The following PIK3C2B variants were observed in gnomAD, a reference collection of about 807,000 sequenced individuals.
PIK3C2B encodes phosphatidylinositol 4-phosphate 3-kinase C2 domain-containing subunit beta.
Under a neutral mutation model 184.3 loss-of-function variants are expected in PIK3C2B, and 83 were observed. The ratio of observed to expected loss-of-function variants is 0.45; its 90% CI spans 0.38 to 0.54. The LOEUF is 0.54. Ranked by LOEUF, PIK3C2B falls within the 20% of genes least tolerant of loss-of-function variation. PIK3C2B has a pLI of 0.00. For synonymous variants in PIK3C2B, 779 were observed against 837.6 expected, an observed-to-expected ratio of 0.93 and a Z score of 1.21; for missense variants, 1,736 against 2,113.5, an observed-to-expected ratio of 0.82 and a Z score of 3.50.
intron 12 of PIK3C2B, among the ~76,000 whole-genome samples, chr1:204,451,054 CCA>C (rs1271285030): frequency 6.6e-6 from 1 of 152,248 alleles, no homozygotes; most frequent in Non-Finnish European, 1.5e-5. Context: ...CTCCAGCCCA[CCA>C]CAGACTGGCA....
intron 2 of PIK3C2B, chr1:204,466,981 C>A (rs760060632): frequency 3.9e-6 from 2 of 518,924 alleles, no homozygotes; most frequent in Non-Finnish European, 4.0e-6. Context: ...AGGGGTCCCC[C>A]CTCCCAGCAG....
chr1:204,489,995 GGT>G (rs1401593080), intron 1 of PIK3C2B: 1 of 396,984 alleles, frequency 2.5e-6, no homozygotes, highest in African/African-American at 2.1e-5. Flanking sequence ...GCTTCTTCCT[GGT>G]GGGCTTGGCT....
rs949627819 is a variant in PIK3C2B, at chr1:204,469,458, T to G, written c.345A>C (p.Ser115=). Residue 115 remains serine (S), a synonymous_variant, in exon 2 of 33, where the codon TCA becomes TCC. Coordinates refer to ENST00000684373, the MANE Select transcript of PIK3C2B (RefSeq NM_001377334.1). The part of the protein sequence containing the change: ...HSTSQGPQPG[S]DPWPKGSLSG... ...ACAGGGAGCCTTTGGGCCAGGGATC[T>G]GAGCCAGGCTGTGGCCCTTGGGAGG... is the stretch of plus-strand genomic sequence containing the variant. 2.5e-6 allele frequency: 4 copies of G among 1,592,140 alleles called. No homozygotes were observed. The African/African-American group carries it at 5.4e-5, about 21-fold the overall frequency.
chr1:204,431,975 T>C (rs922298250), intron 27 of PIK3C2B, among the ~76,000 whole-genome samples, 182 bp from the exon 28 acceptor site: 1 of 152,140 alleles, frequency 6.6e-6, no homozygotes. Context: ...TTCCCACATA[T>C]GTTGCCAGGA....
intron 23 of PIK3C2B, among the ~76,000 whole-genome samples, chr1:204,437,950 G>C (rs1209694028): frequency 1.3e-5 from 2 of 152,162 alleles, no homozygotes; most frequent in African/African-American, 4.8e-5. Context: ...AGATACAGGT[G>C]GTAGTTGAAG....
chr1:204,439,744 T>C (rs1675543939), intron 22 of PIK3C2B, among the ~76,000 whole-genome samples: 1 of 152,142 alleles, frequency 6.6e-6, no homozygotes, highest in South Asian at 2.1e-4. Context: ...AAGCGATCCA[T>C]CTGCCTCAGC....
chr1:204,492,636 A>C (rs1490505677), intron 1 of PIK3C2B, among the ~76,000 whole-genome samples: 1 of 152,172 alleles, frequency 6.6e-6, no homozygotes, highest in Non-Finnish European at 1.5e-5. Flanking sequence ...CAAAGACCAA[A>C]GGCATTCCAG....
At chr1:204,479,814 T>C (rs1656990682) in intron 1 of PIK3C2B, among the ~76,000 whole-genome samples, 1 of 152,320 alleles carries the variant, frequency 6.6e-6, no homozygotes. Flanking sequence ...TTCATTCCTG[T>C]GTGGGTGGGG....
intron 21 of PIK3C2B, among the ~76,000 whole-genome samples, chr1:204,440,789 T>TATATATATA (rs1558239822): frequency 7.0e-6 from 1 of 142,688 alleles, no homozygotes; most frequent in East Asian, 2.0e-4. Context: ...ATATATATAT[T>TATATATATA]TTTAGTAGAG....
chr1:204,476,130 G>A (rs937176442), intron 1 of PIK3C2B, among the ~76,000 whole-genome samples: 5 of 152,168 alleles, frequency 3.3e-5, no homozygotes, highest in East Asian at 3.8e-4. Flanking sequence ...GAAACACAGC[G>A]ACCTGGCTTC....
At chr1:204,473,857 T>C (rs930829947) in intron 1 of PIK3C2B, among the ~76,000 whole-genome samples, 1 of 152,206 alleles carries the variant, frequency 6.6e-6, no homozygotes, top group Non-Finnish European at 1.5e-5. Context: ...TAATGCTCCA[T>C]GGATTTCCCT....
At position 204,424,993 on chromosome 1, in the gene PIK3C2B, G is replaced by A. The variant is rs1558225532; in HGVS notation, c.4764C>T (p.Leu1588=). ...IPKGDLQQRE[L]QLSVLSEQGF... ...CCTGCTCACTCAGCACGCTCAGCTG[G>A]AGCTCCCGCTGCTGCAGGTCACCCT... Residue 1588 remains leucine, a synonymous_variant, in exon 33 of 33, where the codon CTC becomes CTT. Coordinates refer to ENST00000684373, the MANE Select transcript of PIK3C2B (RefSeq NM_001377334.1). 16 of 1,614,126 alleles carry A rather than the reference G, an allele frequency of 9.9e-6. No homozygotes were observed. Among genetic ancestry groups the A allele is most frequent in the Non-Finnish European group, 1.3e-5 (15 of 1,179,972 alleles).
chr1:204,433,944 C>T lies in PIK3C2B; in HGVS notation c.3692G>A (p.Arg1231His), dbSNP rs370508156. 26 of 1,613,542 alleles carry T rather than the reference C, an allele frequency of 1.6e-5. No individual in the cohort carries two copies. Among genetic ancestry groups the T allele is most frequent in the Non-Finnish European group, 2.0e-5 (24 of 1,179,744 alleles). ...GTCCGAGGTGAAGACAAAGGGGGCA[C>T]GGTCCCTGAGCCAAGGGGAACATAC... ...AQMFGNIKRD[R>H]APFVFTSDMA... Residue 1231 changes from arginine to histidine, a missense_variant, in exon 25 of 33, where the codon CGT (arginine) becomes CAT (histidine). Around this residue, in one of 8 missense-constraint regions of PIK3C2B, gnomAD observed 119 missense variants for 179.3 expected, o/e 0.66. Coordinates refer to ENST00000684373, the MANE Select transcript of PIK3C2B (RefSeq NM_001377334.1). This position sits in a 1 kb window ranked among gnomAD's most constrained non-coding sequence, Gnocchi z 5.0.
chr1:204,426,977 A>T (rs890022883), intron 31 of PIK3C2B, among the ~76,000 whole-genome samples: 29 of 152,110 alleles, frequency 1.9e-4, no homozygotes, highest in Non-Finnish European at 4.0e-4. Flanking sequence ...CTCTAATTTT[A>T]AAAAATACAA....
Position 204,454,912 on chromosome 1 carries a change from T to C in PIK3C2B, c.1944-121A>G, listed in dbSNP as rs1319743630. On this transcript the variant is annotated intron_variant, in intron 11 of 32. Transcript: ENST00000684373. ...TAAAACTCTCAGTCTCTGAGGGCTG[T>C]AACACAGGATCTCCGGATAGGACAG... 3 of 1,100,970 alleles carry C rather than the reference T, an allele frequency of 2.7e-6. No individual in the cohort carries two copies. The Admixed American group carries it at 7.9e-5, about 29-fold the overall frequency. 68.2% of individuals were successfully genotyped at this position (1,100,970 alleles called of 1,614,324 possible).
In PIK3C2B at chr1:204,425,692, A is replaced by C. The variant is rs1198162622; in HGVS notation, c.4637T>G (p.Leu1546Arg). Reference sequence around the variant, plus strand: ...AGTGGTTTTCTGAGGGTCAGGAAGGAGGTAAATTTTCACATAGGGGTCAGG... The same window carrying C: ...AGTGGTTTTCTGAGGGTCAGGAAGGCGGTAAATTTTCACATAGGGGTCAGG... ...NDPDPYVKIY[L>R]LPDPQKTTKR... Residue 1546 changes from leucine (L) to arginine (R), a missense_variant, in exon 32 of 33, where the codon CTC (leucine) becomes CGC (arginine). This residue lies in a region of PIK3C2B where 95 missense variants were observed against 164.2 expected (regional missense o/e 0.58). Coordinates refer to ENST00000684373, the MANE Select transcript of PIK3C2B (RefSeq NM_001377334.1). 9.3e-6 allele frequency: 15 copies of C among 1,613,848 alleles called. No individual in the cohort carries two copies. Among genetic ancestry groups the C allele is most frequent in the Non-Finnish European group, 1.2e-5 (14 of 1,179,922 alleles).
chr1:204,460,354 T>G lies in PIK3C2B; in HGVS notation c.1472A>C (p.Gln491Pro), dbSNP rs1655222634. The part of the protein sequence containing the change: ...PSTLNYLVHL[Q>P]ERPVKQTISR... ...GATGGTCTGCTTGACAGGCCTCTCT[T>G]GGAGATGGACGAGGTAGTTCAAGGT... The change falls in exon 7 of 33, where the codon CAA becomes CCA. Residue 491 changes from glutamine to proline, a missense_variant. Physicochemically the swap from Gln to Pro is moderately conservative, Grantham distance 76 (BLOSUM62 -1). Transcript: ENST00000684373. 2.5e-6 allele frequency: 4 copies of G among 1,613,768 alleles called. No homozygotes were observed. In the East Asian group the frequency reaches 6.7e-5, roughly 27 times the overall value.
Position 204,445,970 on chromosome 1 carries a change from C to A in PIK3C2B, c.2664G>T (p.Gly888=), listed in dbSNP as rs745743995. 2 of 1,540,508 alleles carry A rather than the reference C, an allele frequency of 1.3e-6. No homozygotes were observed. Among genetic ancestry groups the A allele is most frequent in the Admixed American group, 3.9e-5 (2 of 51,336 alleles). The part of the protein sequence containing the change: ...WTHMNHQDAL[G]LLHATFPDQE... ...TTACAACTCACGTGGCATGCAGGAGCCCCAGGGCATCCTGGTGGTTCATGT... is the reference window on the plus strand; with the variant it reads ...TTACAACTCACGTGGCATGCAGGAGACCCAGGGCATCCTGGTGGTTCATGT... Residue 888 remains glycine, a synonymous_variant, in exon 16 of 33, where the codon GGG becomes GGT. Transcript: ENST00000684373.
chr1:204,488,102 C>G (rs1657752637), intron 1 of PIK3C2B, among the ~76,000 whole-genome samples: 1 of 152,128 alleles, frequency 6.6e-6, no homozygotes, highest in Admixed American at 6.5e-5. Flanking sequence ...AAGTGATGCA[C>G]AGATAAGTTA....
Sources: gnomAD v4.1 joint callset for allele counts (sites outside exome capture counted in the v4.1 genomes callset) on GRCh38, gnomAD v4.1.1 for gene constraint, gnomAD v4.1.1 regional missense constraint, Gnocchi (gnomAD v3.1) non-coding constraint, MANE v1.5 for transcripts, NCBI Gene and HGNC (gene_info 2026-07-23, HGNC 2026-07-21) for gene names.